The following CTNNA2 variants were observed in gnomAD, a reference collection of about 807,000 sequenced individuals.
CTNNA2 encodes the protein catenin alpha-2.
Under a neutral mutation model 101.0 loss-of-function variants are expected in CTNNA2, and 42 were observed. The observed-to-expected ratio is 0.42, with a 90% CI of 0.32 to 0.54. The LOEUF is 0.54. Among genes scored for constraint, CTNNA2 ranks in the 20% least tolerant of loss-of-function variants. The probability of loss-of-function intolerance (pLI) is 0.14; values close to 1 mark genes in which losing one functional copy is unlikely to be tolerated. For synonymous variants in CTNNA2, 450 were observed against 456.4 expected (o/e 0.99, Z 0.18); for missense variants, 871 against 1,223.1 (o/e 0.71, Z 4.29).
rs1286964584 is a variant in CTNNA2 at position 80,185,798 on chromosome 2, G to A, written c.1057-207413G>A. On this transcript the variant is annotated intron_variant, in intron 7 of 18. Transcript: ENST00000402739. The stretch of plus-strand genomic sequence containing the variant: ...TATGAGAGGTGCATTGCCATTGGCT[G>A]CAGAACCTGGGCCAGTGCACTTATC... Among the ~76,000 whole-genome samples the A allele has an allele frequency of 2.0e-5, 3 of 152,192 alleles. 1 individual carries two copies. The highest frequency in any genetic ancestry group is 4.4e-5 in the Non-Finnish European group (3 of 68,032).
intron 1 of CTNNA2, among the ~76,000 whole-genome samples, chr2:79,567,194 CA>C (rs1472219478): frequency 6.6e-6 from 1 of 152,130 alleles, no homozygotes; most frequent in Non-Finnish European, 1.5e-5. Context: ...TGCATGAGGG[CA>C]ATTTAATGAA....
intron 18 of CTNNA2, among the ~76,000 whole-genome samples, chr2:80,632,070 A>T (rs1573516775): frequency 6.6e-6 from 1 of 152,190 alleles, no homozygotes; most frequent in Admixed American, 6.5e-5. Context: ...ATTGATGTTC[A>T]GGGGCAGCCT....
chr2:79,420,450 T>C (rs1678529271), intron 4 of CTNNA2, among the ~76,000 whole-genome samples: 2 of 151,956 alleles, frequency 1.3e-5, no homozygotes, highest in Admixed American at 1.3e-4. Context: ...ACACTAGAAA[T>C]GGACTAAAGG....
chr2:80,622,473 A>T (rs1238735634), intron 18 of CTNNA2, among the ~76,000 whole-genome samples: 2 of 151,952 alleles, frequency 1.3e-5, no homozygotes, highest in African/African-American at 4.8e-5. Flanking sequence ...GACTTTATAA[A>T]GCAAACAATT....
At chr2:79,922,521 A>G (rs935871745) in intron 7 of CTNNA2, among the ~76,000 whole-genome samples, 5 of 151,920 alleles carry the variant, frequency 3.3e-5, no homozygotes, top group Admixed American at 3.3e-4. Flanking sequence ...TATTACAGAC[A>G]TTGCCTTTTT....
chr2:80,124,326 G>A (rs1268045108), intron 7 of CTNNA2, among the ~76,000 whole-genome samples: 1 of 151,702 alleles, frequency 6.6e-6, no homozygotes, highest in African/African-American at 2.4e-5. Flanking sequence ...CATACCCTTG[G>A]GACTGGATTA....
intron 3 of CTNNA2, among the ~76,000 whole-genome samples, chr2:79,849,021 G>A (rs981022516): frequency 6.6e-6 from 1 of 152,142 alleles, no homozygotes; most frequent in Admixed American, 6.5e-5. Context: ...GTGTCTTCAT[G>A]TGTGAGATGA....
At chr2:80,180,629 G>A (rs1307765897) in intron 7 of CTNNA2, among the ~76,000 whole-genome samples, 1 of 152,174 alleles carries the variant, frequency 6.6e-6, no homozygotes, top group Non-Finnish European at 1.5e-5. Flanking sequence ...ATACAGAGAA[G>A]AGCAATCACA....
chr2:79,246,021 T>C (rs578020358), intron 2 of CTNNA2, among the ~76,000 whole-genome samples: 1 of 152,254 alleles, frequency 6.6e-6, no homozygotes, highest in Admixed American at 6.5e-5. Flanking sequence ...TCCATCATTA[T>C]GCTGAATACT....
At chr2:79,579,829 G>A (rs1676038427) in intron 1 of CTNNA2, among the ~76,000 whole-genome samples, 1 of 151,994 alleles carries the variant, frequency 6.6e-6, no homozygotes, top group South Asian at 2.1e-4. Context: ...GGTCAGGCTG[G>A]TCTTAAACTC....
intron 2 of CTNNA2, among the ~76,000 whole-genome samples, chr2:79,225,291 C>A (rs529754965): frequency 6.6e-6 from 1 of 152,140 alleles, no homozygotes. Flanking sequence ...TCCTTGCTAA[C>A]CTTTAGTATT....
At chr2:80,622,163 C>A (rs977971633) in intron 18 of CTNNA2, among the ~76,000 whole-genome samples, 10 of 151,906 alleles carry the variant, frequency 6.6e-5, no homozygotes, top group African/African-American at 1.2e-4. Context: ...AGAGGAGATA[C>A]ATGTCTTTGG....
chr2:79,429,943 G>A (rs1678638825), intron 4 of CTNNA2, among the ~76,000 whole-genome samples: 1 of 152,074 alleles, frequency 6.6e-6, no homozygotes, highest in Non-Finnish European at 1.5e-5. Flanking sequence ...TTTCTTTGCA[G>A]TAGTAACATC....
chr2:79,326,600 G>A (rs181166051), intron 3 of CTNNA2, among the ~76,000 whole-genome samples: 3 of 152,186 alleles, frequency 2.0e-5, no homozygotes, highest in Admixed American at 2.0e-4. Flanking sequence ...TTTTTAAATT[G>A]AGGTACAAAA....
intron 7 of CTNNA2, among the ~76,000 whole-genome samples, chr2:80,057,112 A>G (rs1039998092): frequency 6.6e-6 from 1 of 152,112 alleles, no homozygotes; most frequent in East Asian, 1.9e-4. Context: ...ATATTAATCA[A>G]TTTACAAAGG....
chr2:79,314,835 T>A (rs994740344), intron 3 of CTNNA2, among the ~76,000 whole-genome samples: 8 of 152,206 alleles, frequency 5.3e-5, no homozygotes, highest in African/African-American at 1.9e-4. Flanking sequence ...TCCAGACACT[T>A]CATTTACTTT....
chr2:80,439,424 C>T (rs556549086), intron 9 of CTNNA2, among the ~76,000 whole-genome samples: 5 of 152,244 alleles, frequency 3.3e-5, no homozygotes, highest in African/African-American at 1.2e-4. Context: ...CAGAGTCTCA[C>T]TCTGTCTCCC....
intron 7 of CTNNA2, among the ~76,000 whole-genome samples, chr2:80,017,824 A>G (rs887153751): frequency 2.0e-5 from 3 of 152,170 alleles, no homozygotes; most frequent in African/African-American, 7.2e-5. Flanking sequence ...TAAGCCACGA[A>G]GTCATTTCAC....
At chr2:79,579,668 G>T (rs1263641430) in intron 1 of CTNNA2, among the ~76,000 whole-genome samples, 1 of 152,128 alleles carries the variant, frequency 6.6e-6, no homozygotes, top group Non-Finnish European at 1.5e-5. Flanking sequence ...AGGCTGGAGT[G>T]CCATGGCACG....
Sources: allele counts gnomAD v4.1 joint callset (sites outside exome capture counted in the v4.1 genomes callset), GRCh38; gene constraint gnomAD v4.1.1; transcripts MANE v1.5; gene names NCBI Gene and HGNC (gene_info 2026-07-23, HGNC 2026-07-21).